The following ZNF600 variants were observed in gnomAD, a reference collection of about 807,000 sequenced individuals.
ZNF600 encodes the protein zinc finger protein KR-ZNF1.
Under a neutral mutation model 7.3 loss-of-function variants are expected in ZNF600, and 4 were observed. That is an observed-to-expected ratio of 0.55 (90% confidence interval 0.27 to 1.25). ZNF600 has a LOEUF of 1.25. Ranked by LOEUF, ZNF600 falls within the 50% of genes most tolerant of loss-of-function variation. The probability of loss-of-function intolerance (pLI) is 0.12; values close to 1 mark genes in which losing one functional copy is unlikely to be tolerated. For synonymous variants in ZNF600, 290 were observed against 308.9 expected (o/e 0.94, Z 0.64); for missense variants, 911 against 922.1 (o/e 0.99, Z 0.16).
At chr19:52,800,382 A>C in the ZNF600 span, 1 of 1,614,000 alleles carries the variant, frequency 6.2e-7, no homozygotes, top group African/African-American at 1.3e-5. Context: ...TCCAGTATGA[A>C]TCCTCCTATG....
chr19:52,767,267 T>A, exon 4 of ZNF600: 1 of 1,614,208 alleles, frequency 6.2e-7, no homozygotes, highest in Non-Finnish European at 8.5e-7. Flanking sequence ...TCTCATTACA[T>A]TGGAAAGATT....
chr19:52,821,374 T>C, the ZNF600 span, among the ~76,000 whole-genome samples: 4 of 152,048 alleles, frequency 2.6e-5, no homozygotes, highest in Non-Finnish European at 5.9e-5. Context: ...TACATTGCCC[T>C]GTAGCAGAAA....
chr19:52,780,611 C>T (rs1020976618), intron 1 of ZNF600: 3 of 152,074 alleles, frequency 2.0e-5, no homozygotes, highest in Admixed American at 2.0e-4. Context: ...GACTGTGATC[C>T]CAGCTACTCG....
At chr19:52,796,347 A>G in the ZNF600 span, among the ~76,000 whole-genome samples, 5 of 152,270 alleles carry the variant, frequency 3.3e-5, no homozygotes, top group African/African-American at 9.6e-5. Flanking sequence ...TACATAAAAC[A>G]TATACATTGT....
intron 2 of ZNF600, among the ~76,000 whole-genome samples, chr19:52,775,855 A>G (rs2062670567): frequency 6.6e-6 from 1 of 151,972 alleles, no homozygotes; most frequent in East Asian, 1.9e-4. Context: ...AAAATACAAA[A>G]ATTAGCTGGG....
At chr19:52,766,184 T>G (rs2062573538) in exon 4 of ZNF600, 1 of 1,613,980 alleles carries the variant, frequency 6.2e-7, no homozygotes, top group Non-Finnish European at 8.5e-7. Context: ...ACTTGTAAGG[T>G]TTCTCACCAC....
chr19:52,806,722 T>C, the ZNF600 span, among the ~76,000 whole-genome samples: 2 of 151,682 alleles, frequency 1.3e-5, no homozygotes, highest in African/African-American at 4.9e-5. Flanking sequence ...GCCAACATGG[T>C]GAAACACTGT....
the ZNF600 span, chr19:52,801,608 A>T: frequency 9.3e-6 from 15 of 1,614,146 alleles, no homozygotes; most frequent in South Asian, 1.6e-4. Context: ...CAATGTGATG[A>T]CTTGCTTGTC....
In ZNF600 at chr19:52,768,298, G is replaced by A. The variant is rs113556831; in HGVS notation, c.191-526C>T. 4.8e-3 allele frequency among the ~76,000 whole-genome samples: 722 copies of A among 151,530 alleles called. 2 individuals carry two copies. The highest frequency in any genetic ancestry group is 8.2e-3 in the Non-Finnish European group (560 of 67,904). On this transcript the variant is annotated intron_variant, in intron 3 of 3. Coordinates refer to ENST00000648973, the Ensembl canonical transcript of ZNF600. Reference sequence around the variant, plus strand: ...AGAGAAGATTACAAAAATTAACCAGGTGTGCTGGCCCGTGCCTGACAGTCA... The same window carrying A: ...AGAGAAGATTACAAAAATTAACCAGATGTGCTGGCCCGTGCCTGACAGTCA...
At chr19:52,784,321 G>A (rs748300455) in intron 1 of ZNF600, among the ~76,000 whole-genome samples, 2 of 152,164 alleles carry the variant, frequency 1.3e-5, no homozygotes, top group African/African-American at 4.8e-5. Context: ...GAGGAGGATC[G>A]CTTGAGCCTA....
At chr19:52,786,788 G>A (rs1034322016) in exon 1 of ZNF600, 26 of 373,652 alleles carry the variant, frequency 7.0e-5, no homozygotes, top group Non-Finnish European at 1.2e-4. Context: ...GCGCGCCCAG[G>A]ACTGAAGCCA....
At chr19:52,807,164 C>T in the ZNF600 span, among the ~76,000 whole-genome samples, 1 of 152,214 alleles carries the variant, frequency 6.6e-6, no homozygotes, top group African/African-American at 2.4e-5. Flanking sequence ...CAGTCCAGGG[C>T]TCTTTCCCTT....
At chr19:52,803,636 A>G in the ZNF600 span, among the ~76,000 whole-genome samples, 2 of 152,278 alleles carry the variant, frequency 1.3e-5, no homozygotes, top group East Asian at 1.9e-4. Flanking sequence ...TTTCTGATAT[A>G]TGAGGTCAAG....
the ZNF600 span, among the ~76,000 whole-genome samples, chr19:52,819,150 G>A: frequency 7.2e-6 from 1 of 139,132 alleles, no homozygotes; most frequent in African/African-American, 2.8e-5. Flanking sequence ...CTGGGGCAGA[G>A]GGAGTCAGAT....
At chr19:52,783,487 GAGC>G (rs2147576565) in intron 1 of ZNF600, among the ~76,000 whole-genome samples, 1 of 151,530 alleles carries the variant, frequency 6.6e-6, no homozygotes, top group Non-Finnish European at 1.5e-5. Flanking sequence ...TCAGCCTCCG[GAGC>G]AGCCGGGACT....
chr19:52,792,934 C>T, the ZNF600 span, among the ~76,000 whole-genome samples: 5 of 151,744 alleles, frequency 3.3e-5, no homozygotes, highest in Non-Finnish European at 7.4e-5. Context: ...GACAGGGTTT[C>T]ACCGTGTTTG....
the ZNF600 span, chr19:52,818,173 A>G: frequency 2.3e-6 from 2 of 881,536 alleles, no homozygotes; most frequent in Non-Finnish European, 3.3e-6. Context: ...AAAAATTCCT[A>G]CAGGAAAACT....
chr19:52,806,738 C>T, the ZNF600 span, among the ~76,000 whole-genome samples: 1 of 151,806 alleles, frequency 6.6e-6, no homozygotes, highest in Non-Finnish European at 1.5e-5. Context: ...ACTGTCTCTA[C>T]TAAAAACACA....
the ZNF600 span, among the ~76,000 whole-genome samples, chr19:52,831,914 C>T: frequency 3.1e-4 from 47 of 152,266 alleles, no homozygotes; most frequent in East Asian, 4.2e-3. Flanking sequence ...CAGGCATAAG[C>T]CACCATGCCC....
Sources: allele counts gnomAD v4.1 joint callset (sites outside exome capture counted in the v4.1 genomes callset), GRCh38; gene constraint gnomAD v4.1.1; transcripts MANE v1.5; gene names NCBI Gene and HGNC (gene_info 2026-07-23, HGNC 2026-07-21).